Variants in ERC2 observed in about 807,000 individuals in gnomAD.
ERC2 encodes the protein ELKS/RAB6-interacting/CAST family member 2.
A neutral mutation model predicts 114.8 loss-of-function variants in ERC2; 42 were observed. The ratio of observed to expected loss-of-function variants is 0.37; its 90% CI spans 0.29 to 0.47. The LOEUF (loss-of-function observed/expected upper bound fraction) is 0.47, where lower values mean the gene tolerates loss of function less well. Among genes scored for constraint, ERC2 ranks in the 20% least tolerant of loss-of-function variants. ERC2 has a pLI of 0.99. For synonymous variants in ERC2, 454 were observed against 425.5 expected, an observed-to-expected ratio of 1.07 and a Z score of -0.82; for missense variants, 939 against 1,150.7, an observed-to-expected ratio of 0.82 and a Z score of 2.66.
At chr3:56,305,056 A>G (rs1310547352) in intron 2 of ERC2, among the ~76,000 whole-genome samples, 1 of 152,158 alleles carries the variant, frequency 6.6e-6, no homozygotes, top group African/African-American at 2.4e-5. Flanking sequence ...TATTATCATC[A>G]ATTGTATTAT....
At chr3:56,463,125 G>T (rs984728225) in intron 1 of ERC2, among the ~76,000 whole-genome samples, 6 of 152,198 alleles carry the variant, frequency 3.9e-5, no homozygotes, top group African/African-American at 1.4e-4. Context: ...CTACTGGGAA[G>T]ACTGAGGTGG....
chr3:56,320,541 G>T (rs532882993), intron 2 of ERC2, among the ~76,000 whole-genome samples: 1 of 152,124 alleles, frequency 6.6e-6, no homozygotes, highest in African/African-American at 2.4e-5. Context: ...AGCCATAGTG[G>T]GAGTATTAAA....
At chr3:55,797,939 A>G (rs1239915297) in intron 14 of ERC2, among the ~76,000 whole-genome samples, 2 of 152,234 alleles carry the variant, frequency 1.3e-5, no homozygotes, top group Non-Finnish European at 2.9e-5. Flanking sequence ...CTAAAATAAT[A>G]AATGGGTTTA....
At chr3:55,930,619 A>T (rs1362714240) in intron 13 of ERC2, among the ~76,000 whole-genome samples, 2 of 152,222 alleles carry the variant, frequency 1.3e-5, no homozygotes, top group Non-Finnish European at 2.9e-5. Flanking sequence ...TGGATTAAAG[A>T]GTTAAACGTA....
intron 2 of ERC2, among the ~76,000 whole-genome samples, chr3:56,335,369 T>G (rs74380808): frequency 6.6e-6 from 1 of 152,294 alleles, no homozygotes; most frequent in African/African-American, 2.4e-5. Flanking sequence ...TCAGCAGAAT[T>G]TCTCCATGAT....
At chr3:56,381,742 TA>T (rs1300363274) in intron 2 of ERC2, among the ~76,000 whole-genome samples, 1 of 140,406 alleles carries the variant, frequency 7.1e-6, no homozygotes, top group Non-Finnish European at 1.5e-5. Flanking sequence ...AGAAAAAAAG[TA>T]AGGTGGAAAA....
chr3:56,228,169 A>T (rs2050375458), intron 3 of ERC2, among the ~76,000 whole-genome samples: 1 of 152,296 alleles, frequency 6.6e-6, no homozygotes, highest in South Asian at 2.1e-4. Context: ...GATGATATAA[A>T]TGTAAATTTT....
intron 3 of ERC2, among the ~76,000 whole-genome samples, chr3:56,270,889 G>C (rs1200086420): frequency 6.6e-6 from 1 of 152,212 alleles, no homozygotes; most frequent in Admixed American, 6.5e-5. Flanking sequence ...GGCTGAGGCA[G>C]AAGAATGGCA....
chr3:55,863,613 AG>A (rs1441634449), intron 14 of ERC2, among the ~76,000 whole-genome samples: 6 of 152,186 alleles, frequency 3.9e-5, no homozygotes, highest in African/African-American at 1.4e-4. Flanking sequence ...GTGCCAAAAA[AG>A]TACACCAAAA....
chr3:56,412,273 C>T (rs1403938781), intron 2 of ERC2, among the ~76,000 whole-genome samples: 23 of 152,236 alleles, frequency 1.5e-4, no homozygotes, highest in Non-Finnish European at 3.4e-4. Context: ...AAGGAACCAA[C>T]CATGCCAACA....
In ERC2 at chr3:56,214,334, T is replaced by C. The variant is rs1177544524; in HGVS notation, c.1075-40814A>G. Among the ~76,000 whole-genome samples the C allele has an allele frequency of 3.3e-5, 5 of 150,430 alleles. No individual in the cohort carries two copies. The East Asian group carries it at 9.8e-4, about 29-fold the overall frequency. On this transcript the variant is annotated intron_variant, in intron 3 of 17. Coordinates refer to ENST00000288221, the MANE Select transcript of ERC2 (RefSeq NM_015576.3). ...GAGCTGAAAACTACAGCACGAGAAC[T>C]ACGTGATGAATGCACAAGCTTCAGT...
At chr3:55,556,256 C>G (rs1325118504) in intron 17 of ERC2, among the ~76,000 whole-genome samples, 2 of 152,176 alleles carry the variant, frequency 1.3e-5, no homozygotes, top group Non-Finnish European at 2.9e-5. Context: ...CCTGAGTACC[C>G]TTTCTCTCAC....
intron 3 of ERC2, among the ~76,000 whole-genome samples, chr3:56,195,987 C>G (rs949234507): frequency 1.3e-5 from 2 of 152,130 alleles, no homozygotes; most frequent in African/African-American, 4.8e-5. Flanking sequence ...AGTGGCCCAC[C>G]ACAGCACAGA....
intron 17 of ERC2, among the ~76,000 whole-genome samples, chr3:55,611,266 T>C (rs1435639348): frequency 6.6e-6 from 1 of 152,198 alleles, no homozygotes; most frequent in East Asian, 1.9e-4. Flanking sequence ...ATTTAAGCAT[T>C]GTTAGGCTGG....
At chr3:56,277,748 CAAA>C (rs58903780) in intron 3 of ERC2, among the ~76,000 whole-genome samples, 50,898 of 146,490 alleles carry the variant, frequency 0.35, 9,563 homozygotes, top group Middle Eastern at 0.43. Context: ...GCCAAATTAC[CAAA>C]AAAAAAAAAA....
chr3:55,963,779 T>A (rs1462358596), intron 12 of ERC2, among the ~76,000 whole-genome samples: 1 of 152,134 alleles, frequency 6.6e-6, no homozygotes, highest in Admixed American at 6.5e-5. Context: ...TAAAAACATA[T>A]GGCAACTGTG....
chr3:55,549,094 A>G (rs1559634740), intron 17 of ERC2, among the ~76,000 whole-genome samples: 1 of 152,218 alleles, frequency 6.6e-6, no homozygotes, highest in Non-Finnish European at 1.5e-5. Flanking sequence ...CTTATTTATT[A>G]CAGAAAAAGA....
chr3:56,389,338 T>C (rs1284982564), intron 2 of ERC2, among the ~76,000 whole-genome samples: 2 of 152,164 alleles, frequency 1.3e-5, no homozygotes, highest in Non-Finnish European at 2.9e-5. Context: ...AGACTCACTA[T>C]GGAATGATCT....
chr3:56,322,412 G>A (rs1326463167), intron 2 of ERC2, among the ~76,000 whole-genome samples: 2 of 152,214 alleles, frequency 1.3e-5, no homozygotes, highest in East Asian at 1.9e-4. Context: ...AATTGGGATG[G>A]CCCTGGAATG....
Sources: allele counts gnomAD v4.1 joint callset (sites outside exome capture counted in the v4.1 genomes callset), GRCh38; gene constraint gnomAD v4.1.1; transcripts MANE v1.5; gene names NCBI Gene and HGNC (gene_info 2026-07-23, HGNC 2026-07-21).